The following CSTPP1 variants were observed in gnomAD, a reference collection of about 807,000 sequenced individuals.
The protein encoded by CSTPP1 is UPF0705 protein C11orf49.
the CSTPP1 span, among the ~76,000 whole-genome samples, chr11:46,975,504 G>T: frequency 9.2e-5 from 14 of 152,090 alleles, no homozygotes; most frequent in African/African-American, 3.1e-4. Flanking sequence ...GGGTACATTG[G>T]TTTAATTTGA....
chr11:46,966,987 G>A, the CSTPP1 span, among the ~76,000 whole-genome samples: 1 of 151,964 alleles, frequency 6.6e-6, no homozygotes, highest in Admixed American at 6.6e-5. Context: ...TTGCCTTCTC[G>A]GGGTGACCTT....
At chr11:47,150,230 G>A in the CSTPP1 span, among the ~76,000 whole-genome samples, 8 of 152,094 alleles carry the variant, frequency 5.3e-5, 1 homozygote, top group East Asian at 1.4e-3. Flanking sequence ...TGTAACCTTC[G>A]CCAAGTTTCT....
the CSTPP1 span, chr11:47,155,065 C>T: frequency 4.5e-6 from 4 of 887,692 alleles, no homozygotes; most frequent in South Asian, 5.6e-5. Context: ...CCAGGAACAG[C>T]TCTCTCTCTC....
At chr11:47,003,381 CAGTT>C in the CSTPP1 span, among the ~76,000 whole-genome samples, 1 of 152,072 alleles carries the variant, frequency 6.6e-6, no homozygotes, top group Non-Finnish European at 1.5e-5. Flanking sequence ...GAAGGAAGGA[CAGTT>C]AGGATTTTGG....
chr11:47,026,312 G>T, the CSTPP1 span, among the ~76,000 whole-genome samples: 1 of 152,190 alleles, frequency 6.6e-6, no homozygotes, highest in African/African-American at 2.4e-5. Context: ...AATTATTCTG[G>T]ATTTCAAGTG....
chr11:47,143,733 T>C, the CSTPP1 span, among the ~76,000 whole-genome samples: 1 of 152,202 alleles, frequency 6.6e-6, no homozygotes, highest in Non-Finnish European at 1.5e-5. Flanking sequence ...TTCTGGATGG[T>C]TAAGAGCATG....
the CSTPP1 span, chr11:47,161,047 G>A: frequency 6.3e-7 from 1 of 1,577,278 alleles, no homozygotes; most frequent in Non-Finnish European, 8.7e-7. Flanking sequence ...AGGCAGCCGT[G>A]AAGGTGAGGG....
chr11:46,949,098 G>A, the CSTPP1 span, among the ~76,000 whole-genome samples: 1 of 151,820 alleles, frequency 6.6e-6, no homozygotes, highest in Non-Finnish European at 1.5e-5. Context: ...AACTTGTGGA[G>A]TTCCTTATAG....
At chr11:47,024,357 C>T in the CSTPP1 span, among the ~76,000 whole-genome samples, 1 of 151,968 alleles carries the variant, frequency 6.6e-6, no homozygotes, top group Non-Finnish European at 1.5e-5. Flanking sequence ...TGAGCCACTT[C>T]ACCCAATCTT....
chr11:47,137,951 A>AAGAT, the CSTPP1 span: 37 of 595,308 alleles, frequency 6.2e-5, no homozygotes, highest in African/African-American at 6.7e-4. Flanking sequence ...TCAGGGTCTG[A>AAGAT]AGATAGAGTT....
At chr11:47,154,982 G>C in the CSTPP1 span, 4 of 613,842 alleles carry the variant, frequency 6.5e-6, no homozygotes, top group African/African-American at 5.5e-5. Flanking sequence ...ATGGAGCAGT[G>C]AGGTGACTGG....
chr11:47,041,538 CT>C, the CSTPP1 span: 1 of 389,912 alleles, frequency 2.6e-6, no homozygotes, highest in Non-Finnish European at 5.2e-6. Flanking sequence ...AGTTCATGCC[CT>C]TCACCAGCCT....
At chr11:47,062,673 C>T in the CSTPP1 span, among the ~76,000 whole-genome samples, 1 of 152,160 alleles carries the variant, frequency 6.6e-6, no homozygotes, top group Non-Finnish European at 1.5e-5. Context: ...TACATCCGTT[C>T]CTTCTTTTGT....
chr11:47,074,198 A>G, the CSTPP1 span, among the ~76,000 whole-genome samples: 1 of 151,148 alleles, frequency 6.6e-6, no homozygotes, highest in Non-Finnish European at 1.5e-5. Flanking sequence ...TCTCAACAAC[A>G]ACAACAACAA....
the CSTPP1 span, among the ~76,000 whole-genome samples, chr11:46,993,019 G>C: frequency 6.6e-6 from 1 of 152,194 alleles, no homozygotes; most frequent in Admixed American, 6.5e-5. Flanking sequence ...GTGTCTGTTG[G>C]CTGCATAAAT....
At chr11:47,145,162 A>G in the CSTPP1 span, among the ~76,000 whole-genome samples, 1 of 151,772 alleles carries the variant, frequency 6.6e-6, no homozygotes, top group Non-Finnish European at 1.5e-5. Flanking sequence ...TAATTTTTGT[A>G]TTCTTAGTAG....
chr11:46,955,662 C>G, the CSTPP1 span, among the ~76,000 whole-genome samples: 1 of 152,090 alleles, frequency 6.6e-6, no homozygotes, highest in Non-Finnish European at 1.5e-5. Flanking sequence ...TGCGCCCAGG[C>G]TACAGCAGTG....
chr11:46,955,019 G>C, the CSTPP1 span, among the ~76,000 whole-genome samples: 5 of 152,178 alleles, frequency 3.3e-5, no homozygotes, highest in African/African-American at 7.2e-5. Context: ...TCAGGAATGA[G>C]GGAAAAGGAT....
the CSTPP1 span, among the ~76,000 whole-genome samples, chr11:47,157,596 G>A: frequency 1.3e-5 from 2 of 151,946 alleles, no homozygotes; most frequent in Non-Finnish European, 2.9e-5. Context: ...GTTTCCCGTA[G>A]CCATTTCCCA....
Sources: gnomAD v4.1 joint callset for allele counts (sites outside exome capture counted in the v4.1 genomes callset) on GRCh38, gnomAD v4.1.1 for gene constraint, MANE v1.5 for transcripts, NCBI Gene and HGNC (gene_info 2026-07-23, HGNC 2026-07-21) for gene names.